WIPF2: variants seen among roughly 807,000 people sequenced by gnomAD.
The protein encoded by WIPF2 is WAS/WASL-interacting protein family member 2.
In WIPF2, 23 loss-of-function variants were observed where a neutral mutation model predicts 38.8. The observed-to-expected ratio is 0.59, with a 90% confidence interval of 0.43 to 0.84. The LOEUF (loss-of-function observed/expected upper bound fraction) is 0.84, where lower values mean the gene tolerates loss of function less well. Among genes scored for constraint, WIPF2 ranks in the 40% least tolerant of loss-of-function variants. The pLI is 0.00. For synonymous variants in WIPF2, 210 were observed against 223.2 expected, an observed-to-expected ratio of 0.94 and a Z score of 0.53; for missense variants, 574 against 580.5, an observed-to-expected ratio of 0.99 and a Z score of 0.11.
chr17:40,221,028 C>T (rs1266052510), intron 1 of WIPF2, among the ~76,000 whole-genome samples: 3 of 151,966 alleles, frequency 2.0e-5, no homozygotes, highest in South Asian at 2.1e-4. Flanking sequence ...GTGATCCGCC[C>T]GCCTCTGCCT....
At position 40,280,961 on chromosome 17, in the gene WIPF2, T is replaced by C. The variant is rs1251829016; in HGVS notation, c.*2736T>C. 7.9e-5 allele frequency: 12 copies of C among 152,702 alleles called. No homozygotes were observed. Among genetic ancestry groups the C allele is most frequent in the Non-Finnish European group, 1.5e-5 (1 of 68,052 alleles). 9.5% of individuals were successfully genotyped at this position (152,702 alleles called of 1,614,324 possible). ...ACTGTTAATAATAGATTTATTACTA[T>C]GTATATTTACTATTGAAGATGGGAA... On this transcript the variant is annotated 3_prime_UTR_variant, in exon 8 of 8. Transcript: ENST00000323571.
chr17:40,253,034 A>C (rs1273582143), intron 1 of WIPF2, among the ~76,000 whole-genome samples: 3 of 149,652 alleles, frequency 2.0e-5, no homozygotes, highest in African/African-American at 7.4e-5. Context: ...CCAGAGTGCT[A>C]AGATTACAGG....
At chr17:40,263,214 G>A (rs1289564449) in intron 4 of WIPF2, among the ~76,000 whole-genome samples, 4 of 152,144 alleles carry the variant, frequency 2.6e-5, no homozygotes, top group Admixed American at 2.6e-4. Context: ...TAGATGGTGG[G>A]CGGGGGATGG....
intron 6 of WIPF2, among the ~76,000 whole-genome samples, chr17:40,276,419 G>A (rs771020630): frequency 2.7e-5 from 4 of 149,534 alleles, no homozygotes; most frequent in Non-Finnish European, 4.4e-5. Context: ...TCTCAGGGAC[G>A]CTGGGGCAGG....
intron 6 of WIPF2, 34 bp from the exon 7 acceptor site, chr17:40,277,049 G>A: frequency 1.3e-6 from 2 of 1,568,022 alleles, no homozygotes; most frequent in Non-Finnish European, 1.7e-6. Flanking sequence ...CACAAGCAAG[G>A]ATGATAGGAA....
At chr17:40,247,577 A>G (rs974582148) in intron 1 of WIPF2, among the ~76,000 whole-genome samples, 1 of 150,582 alleles carries the variant, frequency 6.6e-6, no homozygotes, top group Non-Finnish European at 1.5e-5. Flanking sequence ...GCTGGAGTGC[A>G]GTGGTGCAAT....
In WIPF2 at chr17:40,273,988, G is replaced by C; in HGVS notation, c.1169G>C (p.Arg390Pro). The C allele has an allele frequency of 6.5e-7, 1 of 1,546,520 alleles. No individual in the cohort carries two copies. Among genetic ancestry groups the C allele is most frequent in the Non-Finnish European group, 8.7e-7 (1 of 1,147,720 alleles). The change falls in exon 6 of 8, where the codon CGG becomes CCG. Residue 390 changes from arginine (R) to proline (P), a missense_variant. Arg to Pro is a moderately radical substitution (Grantham distance 103). Coordinates refer to ENST00000323571, the MANE Select transcript of WIPF2 (RefSeq NM_133264.5). ...CACAGAGATTCTATCACCACTGTCC[G>C]GTCTTTCTTGGGTGAGTAGCTAGCT... is the stretch of plus-strand genomic sequence containing the variant. ...NGHRDSITTV[R>P]SFLDDFESKY...
At chr17:40,260,457 G>T in intron 2 of WIPF2, 78 bp from the exon 3 acceptor site, 1 of 1,553,082 alleles carries the variant, frequency 6.4e-7, no homozygotes, top group Non-Finnish European at 8.7e-7. Context: ...AAAGTGTTGG[G>T]ATTACAGGCG....
chr17:40,256,694 T>C (rs2031740789), intron 2 of WIPF2, among the ~76,000 whole-genome samples, 172 bp downstream of exon 2: 1 of 152,194 alleles, frequency 6.6e-6, no homozygotes, highest in African/African-American at 2.4e-5. Flanking sequence ...TTATTCCTAG[T>C]ATTAAAGGAT....
chr17:40,251,757 A>G (rs1218968530), intron 1 of WIPF2, among the ~76,000 whole-genome samples: 2 of 152,278 alleles, frequency 1.3e-5, no homozygotes, highest in East Asian at 3.9e-4. Context: ...ATGTACATGT[A>G]GGCACTCCCA....
At chr17:40,261,439 A>G (rs576552726) in intron 3 of WIPF2, among the ~76,000 whole-genome samples, 1 of 152,046 alleles carries the variant, frequency 6.6e-6, no homozygotes, top group East Asian at 1.9e-4. Context: ...TTGGGATTAT[A>G]GGCACGTGCC....
intron 5 of WIPF2, among the ~76,000 whole-genome samples, chr17:40,266,588 C>G (rs1050914792): frequency 6.6e-6 from 1 of 152,122 alleles, no homozygotes; most frequent in South Asian, 2.1e-4. Flanking sequence ...ATATAGAAAT[C>G]TCTTAAAGAG....
At chr17:40,248,205 C>T (rs2031438436) in intron 1 of WIPF2, among the ~76,000 whole-genome samples, 1 of 119,962 alleles carries the variant, frequency 8.3e-6, no homozygotes, top group South Asian at 2.5e-4. Context: ...CTCTCTGTTG[C>T]CCAGGCTGGA....
In WIPF2 at chr17:40,273,846, C is replaced by A; in HGVS notation, c.1027C>A (p.Pro343Thr). The change falls in exon 6 of 8, where the codon CCA becomes ACA. Residue 343 changes from proline to threonine, a missense_variant. By Grantham distance (38) the Pro-to-Thr change is conservative (BLOSUM62 -1). Transcript: ENST00000323571. ...TGGTGCCAGGGATGCTCCCCCTCCC[C>A]CACCACCATACCGAATGCATGGGTC... ...RNGARDAPPP[P>T]PPYRMHGSEP... 2 of 1,589,414 alleles carry A rather than the reference C, an allele frequency of 1.3e-6. No homozygotes were observed. The highest frequency in any genetic ancestry group is 1.7e-6 in the Non-Finnish European group (2 of 1,160,860).
intron 1 of WIPF2, among the ~76,000 whole-genome samples, chr17:40,247,424 G>A (rs2031407775): frequency 6.6e-6 from 1 of 151,288 alleles, no homozygotes; most frequent in South Asian, 2.1e-4. Flanking sequence ...TCACCATGTT[G>A]GCCAGGCTAG....
intron 1 of WIPF2, among the ~76,000 whole-genome samples, chr17:40,245,377 C>A (rs949341669): frequency 4.0e-5 from 6 of 150,432 alleles, no homozygotes; most frequent in Admixed American, 1.3e-4. Flanking sequence ...GAGTCCCGTT[C>A]TGTCGCCCAG....
intron 1 of WIPF2, among the ~76,000 whole-genome samples, chr17:40,242,453 C>T (rs1176452158): frequency 6.6e-6 from 1 of 151,916 alleles, no homozygotes; most frequent in African/African-American, 2.4e-5. Context: ...ACTCTGTTAC[C>T]CAGTGGCACA....
intron 5 of WIPF2, among the ~76,000 whole-genome samples, chr17:40,269,277 A>G (rs2032179343): frequency 6.6e-6 from 1 of 152,016 alleles, no homozygotes. Context: ...CTAAGATTGC[A>G]CCACTGCACT....
chr17:40,227,050 A>T (rs2030522606), intron 1 of WIPF2, among the ~76,000 whole-genome samples: 1 of 146,436 alleles, frequency 6.8e-6, no homozygotes, highest in Non-Finnish European at 1.5e-5. Flanking sequence ...CTATTTATTT[A>T]TTTTTTTTTG....
Sources: gnomAD v4.1 joint callset for allele counts (sites outside exome capture counted in the v4.1 genomes callset) on GRCh38, gnomAD v4.1.1 for gene constraint, MANE v1.5 for transcripts, NCBI Gene and HGNC (gene_info 2026-07-23, HGNC 2026-07-21) for gene names.